The following ESRRB variants were observed in gnomAD, a reference collection of about 807,000 sequenced individuals.
The protein encoded by ESRRB is steroid hormone receptor ERR2.
In ESRRB, 16 loss-of-function variants were observed where a neutral mutation model predicts 46.0. That is an observed-to-expected ratio of 0.35 (90% CI 0.24 to 0.53). The LOEUF is 0.53. Among genes scored for constraint, ESRRB ranks in the 20% least tolerant of loss-of-function variants. ESRRB has a pLI of 0.93. For missense variants in ESRRB, 488 were observed against 607.4 expected, an observed-to-expected ratio of 0.80 and a Z score of 2.07; for synonymous variants, 246 against 259.6, an observed-to-expected ratio of 0.95 and a Z score of 0.50.
chr14:76,460,239 T>A (rs1595140051), intron 2 of ESRRB, among the ~76,000 whole-genome samples: 1 of 152,174 alleles, frequency 6.6e-6, no homozygotes, highest in African/African-American at 2.4e-5. Context: ...AGCCGCTGGG[T>A]CAGCACCAGG....
chr14:76,422,944 C>T lies in ESRRB; in HGVS notation c.51-16397C>T, dbSNP rs545232711. The stretch of plus-strand genomic sequence containing the variant: ...GTCAAGCAACCCCTTTCCAGCCCCA[C>T]TTCCCACAGTTTCTTTACGAATTAC... On this transcript the variant is annotated intron_variant, in intron 1 of 6. Transcript: ENST00000644823. Among the ~76,000 whole-genome samples the T allele has an allele frequency of 5.3e-5, 8 of 152,238 alleles. No homozygotes were observed. The East Asian group carries it at 1.2e-3, about 22-fold the overall frequency.
intron 1 of ESRRB, among the ~76,000 whole-genome samples, chr14:76,356,406 TAAG>T (rs986801087): frequency 2.6e-5 from 4 of 152,196 alleles, no homozygotes; most frequent in African/African-American, 9.7e-5. Flanking sequence ...ATTTTACAGA[TAAG>T]GAGACTGCGA....
chr14:76,426,058 C>T (rs1887186683), intron 1 of ESRRB, among the ~76,000 whole-genome samples: 1 of 152,216 alleles, frequency 6.6e-6, no homozygotes, highest in African/African-American at 2.4e-5. Flanking sequence ...CATACAATCC[C>T]AGTGCTTCAG....
intron 1 of ESRRB, among the ~76,000 whole-genome samples, chr14:76,410,052 C>T (rs1268866931): frequency 2.0e-5 from 3 of 152,100 alleles, no homozygotes; most frequent in East Asian, 1.9e-4. Flanking sequence ...GGTGAAACTC[C>T]GTCTCTACTA....
rs1427771662 is a variant in ESRRB, at chr14:76,362,236, T to C, written c.2+51320T>C. 3.3e-5 allele frequency among the ~76,000 whole-genome samples: 5 copies of C among 152,196 alleles called. 1 individual carries two copies. In the South Asian group the frequency reaches 1.0e-3, roughly 32 times the overall value. On this transcript the variant is annotated intron_variant, in intron 1 of 6. Transcript: ENST00000512784. ...CACACTACCCTGCAGCAAGCCATTT[T>C]AGAGACTGTGGAAACATGGGCAGCG... is the stretch of plus-strand genomic sequence containing the variant.
At chr14:76,444,085 A>C (rs1007459012) in intron 2 of ESRRB, among the ~76,000 whole-genome samples, 2 of 151,674 alleles carry the variant, frequency 1.3e-5, no homozygotes, top group Admixed American at 1.3e-4. Flanking sequence ...TTTTTGAGAC[A>C]GAGTCTCGCT....
chr14:76,401,484 A>T (rs978931817), intron 1 of ESRRB, among the ~76,000 whole-genome samples: 1 of 152,234 alleles, frequency 6.6e-6, no homozygotes, highest in African/African-American at 2.4e-5. Context: ...AGTTCGCCAA[A>T]GAAACAGAAC....
At chr14:76,311,707 A>T (rs1385811776) in intron 1 of ESRRB, among the ~76,000 whole-genome samples, 1 of 152,238 alleles carries the variant, frequency 6.6e-6, no homozygotes, top group Non-Finnish European at 1.5e-5. Context: ...TCCTTCGCAA[A>T]GGAAGAAACT....
At chr14:76,349,985 A>C (rs969778653) in intron 1 of ESRRB, among the ~76,000 whole-genome samples, 2 of 152,078 alleles carry the variant, frequency 1.3e-5, no homozygotes, top group Non-Finnish European at 2.9e-5. Flanking sequence ...CTGCCACCTC[A>C]CACTCCTTTT....
chr14:76,475,644 T>C (rs1889552670), intron 3 of ESRRB, among the ~76,000 whole-genome samples: 1 of 152,202 alleles, frequency 6.6e-6, no homozygotes, highest in African/African-American at 2.4e-5. Context: ...TCTGTTCAAA[T>C]TCCTTCTTTT....
At chr14:76,475,086 T>C (rs958328250) in intron 3 of ESRRB, among the ~76,000 whole-genome samples, 2 of 151,782 alleles carry the variant, frequency 1.3e-5, no homozygotes, top group Admixed American at 6.6e-5. Flanking sequence ...TTTAAAAAAT[T>C]ATCTGGGTGT....
chr14:76,423,434 G>A lies in ESRRB; in HGVS notation c.51-15907G>A, dbSNP rs151312655. On this transcript the variant is annotated intron_variant, in intron 1 of 6. Coordinates refer to ENST00000644823, the MANE Select transcript of ESRRB (RefSeq NM_001379180.1). ...GCTGAGATTACAGGCGTGAGCCACC[G>A]CGCCATCCTTTCATAGACTCTTTAA... Among the ~76,000 whole-genome samples, 550 of 152,242 alleles carry A rather than the reference G, an allele frequency of 3.6e-3. 2 individuals carry two copies. Among genetic ancestry groups the A allele is most frequent in the African/African-American group, 0.012 (500 of 41,556 alleles).
rs372277320 is a variant in ESRRB, at chr14:76,494,534, C to T, written c.1120+2818C>T. Among the ~76,000 whole-genome samples the T allele has an allele frequency of 4.1e-4, 62 of 152,116 alleles. 1 individual carries two copies. In the South Asian group the frequency reaches 0.012, roughly 29 times the overall value. On this transcript the variant is annotated intron_variant, in intron 6 of 6. Transcript: ENST00000644823. Reference sequence around the variant, plus strand: ...GTTGGCCAGGCTGGTCTCAAACTCCCGACCTCAGGTGATCCACCCACCTCA... The same window carrying T: ...GTTGGCCAGGCTGGTCTCAAACTCCTGACCTCAGGTGATCCACCCACCTCA...
intron 1 of ESRRB, among the ~76,000 whole-genome samples, chr14:76,395,013 A>G (rs1885615207): frequency 6.6e-6 from 1 of 152,306 alleles, no homozygotes; most frequent in Non-Finnish European, 1.5e-5. Flanking sequence ...TGCTGCCATC[A>G]TCTCCCTATG....
At chr14:76,382,839 T>C (rs993009207) in intron 1 of ESRRB, among the ~76,000 whole-genome samples, 2 of 152,140 alleles carry the variant, frequency 1.3e-5, no homozygotes, top group Non-Finnish European at 2.9e-5. Context: ...AAAGTTTCTT[T>C]TTTAAAAAAA....
chr14:76,500,143 C>A lies in ESRRB; in HGVS notation c.*1685C>A. 1 of 1,303,372 alleles carries A rather than the reference C, an allele frequency of 7.7e-7. No individual in the cohort carries two copies. The highest frequency in any genetic ancestry group is 1.1e-6 in the Non-Finnish European group (1 of 940,248). 80.7% of individuals were successfully genotyped at this position (1,303,372 alleles called of 1,614,324 possible). A position where few individuals can be genotyped will look rare whatever the true frequency, so the allele number is the denominator to read the frequency against. ...TACCCCAGGAACCTCCCGGCCTGGG[C>A]TTCTGGGCTGGGACGTGCTGAGGTC... On this transcript the variant is annotated 3_prime_UTR_variant, in exon 7 of 7. Transcript: ENST00000644823.
chr14:76,429,676 G>A (rs1224991160), intron 1 of ESRRB, among the ~76,000 whole-genome samples: 4 of 152,192 alleles, frequency 2.6e-5, no homozygotes, highest in Non-Finnish European at 5.9e-5. Flanking sequence ...CTTGAACCCG[G>A]GAGGTAGTGG....
chr14:76,376,399 C>T lies in ESRRB; in HGVS notation c.-3C>T, dbSNP rs1429116535. On this transcript the variant is annotated 5_prime_UTR_variant, in exon 1 of 7. Transcript: ENST00000644823. This position sits in a 1 kb window ranked among gnomAD's most constrained non-coding sequence, Gnocchi z 4.1. Reference sequence around the variant, plus strand: ...ACCAACTGGGAATGCTAAAACGGGACTGATGGACGTGTCCGAACTCTGCAT... The same window carrying T: ...ACCAACTGGGAATGCTAAAACGGGATTGATGGACGTGTCCGAACTCTGCAT... 8.1e-7 allele frequency: 1 copy of T among 1,231,620 alleles called. No individual in the cohort carries two copies. Among genetic ancestry groups the T allele is most frequent in the African/African-American group, 1.6e-5 (1 of 64,408 alleles). The allele number at this position is 1,231,620 out of a possible 1,614,324, so 76.3% of individuals were successfully genotyped here.
At chr14:76,384,778 T>A (rs986976204) in intron 1 of ESRRB, among the ~76,000 whole-genome samples, 5 of 152,122 alleles carry the variant, frequency 3.3e-5, no homozygotes, top group African/African-American at 1.2e-4. Flanking sequence ...TTGGCGCATG[T>A]GAATATCTGG....
Sources: gnomAD v4.1 joint callset for allele counts (sites outside exome capture counted in the v4.1 genomes callset) on GRCh38, gnomAD v4.1.1 for gene constraint, Gnocchi (gnomAD v3.1) non-coding constraint, MANE v1.5 for transcripts, NCBI Gene and HGNC (gene_info 2026-07-23, HGNC 2026-07-21) for gene names.